Variants in CATSPERG observed in about 807,000 individuals in gnomAD.
CATSPERG encodes cation channel sperm-associated auxiliary subunit gamma.
In CATSPERG, 115 loss-of-function variants were observed where a neutral mutation model predicts 145.0. The ratio of observed to expected loss-of-function variants is 0.79; its 90% CI spans 0.68 to 0.93. The LOEUF is 0.93. CATSPERG is among the 40% of genes least tolerant of loss of function. The pLI is 0.00. For missense variants in CATSPERG, 1,296 were observed against 1,490.1 expected, an observed-to-expected ratio of 0.87 and a Z score of 2.14; for synonymous variants, 588 against 589.0, an observed-to-expected ratio of 1.00 and a Z score of 0.02.
chr19:38,354,757 C>G lies in CATSPERG; in HGVS notation c.1045C>G (p.Pro349Ala), dbSNP rs964307375. ...LASECIKKLC[P>A]VYFHSNGSEY... ...CAGCGAGTGCATCAAGAAGCTGTGC[C>G]CTGTGTATTTCCATAGCAATGGCTC... Residue 349 changes from proline (P) to alanine (A), a missense_variant, in exon 9 of 29, where the codon CCT (proline) becomes GCT (alanine). By Grantham distance (27) the Pro-to-Ala change is conservative. Coordinates refer to ENST00000409235, the MANE Select transcript of CATSPERG (RefSeq NM_021185.5). The G allele has an allele frequency of 2.5e-6, 4 of 1,614,144 alleles. No homozygotes were observed. Among genetic ancestry groups the G allele is most frequent in the Non-Finnish European group, 3.4e-6 (4 of 1,180,016 alleles).
chr19:38,346,798 C>T (rs1358534425), intron 7 of CATSPERG, among the ~76,000 whole-genome samples, 193 bp downstream of exon 7: 1 of 152,200 alleles, frequency 6.6e-6, no homozygotes. Context: ...GGTTCTGCCA[C>T]CTCCTGGCTG....
In CATSPERG at chr19:38,344,158, G is replaced by A. The variant is rs1168035035; in HGVS notation, c.596+39G>A. 2.6e-6 allele frequency: 4 copies of A among 1,550,800 alleles called. No homozygotes were observed. In the Admixed American group the frequency reaches 5.9e-5, roughly 23 times the overall value. ...AGACGGGGGCTGGGGTGGACTCCGGGGGAATTCCTCACCCCAGGGTCCCCA... is the reference window on the plus strand; with the variant it reads ...AGACGGGGGCTGGGGTGGACTCCGGAGGAATTCCTCACCCCAGGGTCCCCA... On this transcript the variant is annotated intron_variant, in intron 5 of 28. Coordinates refer to ENST00000409235, the MANE Select transcript of CATSPERG (RefSeq NM_021185.5).
intron 14 of CATSPERG, chr19:38,360,264 A>G (rs942392213): frequency 1.0e-6 from 1 of 985,220 alleles, no homozygotes; most frequent in Admixed American, 6.2e-5. Flanking sequence ...ACATTGAAAA[A>G]AGTGATCATA....
chr19:38,369,986 A>G lies in CATSPERG; in HGVS notation c.3035A>G (p.Glu1012Gly). 6.2e-7 allele frequency: 1 copy of G among 1,614,220 alleles called. No homozygotes were observed. The highest frequency in any genetic ancestry group is 8.5e-7 in the Non-Finnish European group (1 of 1,180,026). The change falls in exon 27 of 29, where the codon GAG (glutamate) becomes GGG (glycine). Residue 1012 changes from glutamate (E) to glycine (G), a missense_variant. Physicochemically the swap from Glu to Gly is moderately conservative, Grantham distance 98 (BLOSUM62 -2). Transcript: ENST00000409235. The stretch of plus-strand genomic sequence containing the variant: ...TTGGCTTGCAGGTGGCTCTGTCTGG[A>G]GAATGCCCCATGCTATGACAATGTT... ...ESPGIEWLCLENAPCYDNVPQ... is the reference protein window; with the variant it reads ...ESPGIEWLCLGNAPCYDNVPQ...
chr19:38,336,113 C>T (rs1291591008), intron 1 of CATSPERG: 1 of 431,870 alleles, frequency 2.3e-6, no homozygotes, highest in South Asian at 1.6e-5. Context: ...GCAGGAGAGT[C>T]GGGGTATAGA....
Position 38,364,957 on chromosome 19 carries a change from T to G in CATSPERG, c.2542T>G (p.Ser848Ala). ...GISGHHLMET[S>A]MTVNVVGSSG... ...TAGTGGACATCACCTTATGGAGACT[T>G]CCATGACGGTCAATGTGAGGTCCAA... Residue 848 changes from serine to alanine, a missense_variant, in exon 21 of 29, where the codon TCC becomes GCC. By Grantham distance (99) the Ser-to-Ala change is moderately conservative. Transcript: ENST00000409235. The G allele has an allele frequency of 6.2e-7, 1 of 1,614,016 alleles. No homozygotes were observed. Among genetic ancestry groups the G allele is most frequent in the East Asian group, 2.2e-5 (1 of 44,882 alleles).
chr19:38,336,354 C>G, intron 1 of CATSPERG: 2 of 289,122 alleles, frequency 6.9e-6, no homozygotes, highest in Non-Finnish European at 1.5e-5. Flanking sequence ...TACCAGAGGG[C>G]GGGACGGGGC....
rs756886890 is a variant in CATSPERG at position 38,342,600 on chromosome 19, G to GA, written c.325-964dup. Among the ~76,000 whole-genome samples the GA allele has an allele frequency of 4.9e-3, 521 of 105,322 alleles. 2 individuals carry two copies. Among genetic ancestry groups the GA allele is most frequent in the African/African-American group, 0.011 (314 of 28,738 alleles). The allele number at this position is 105,322 out of a possible 152,430, so 69.1% of individuals were successfully genotyped here. Reference sequence around the variant, plus strand: ...GGGCGACAGAGTGAGACTCCTTCTTGAAAAAAAAAAAAAAAAGGAAAAGAA... The same window carrying GA: ...GGGCGACAGAGTGAGACTCCTTCTTGAAAAAAAAAAAAAAAAAGGAAAAGAA... On this transcript the variant is annotated intron_variant, in intron 3 of 28. Coordinates refer to ENST00000409235, the MANE Select transcript of CATSPERG (RefSeq NM_021185.5).
At chr19:38,351,966 A>C (rs190476634) in intron 7 of CATSPERG, among the ~76,000 whole-genome samples, 118 of 152,276 alleles carry the variant, frequency 7.7e-4, no homozygotes, top group African/African-American at 2.8e-3. Context: ...TATAACACTG[A>C]CTGTAGCCAA....
intron 1 of CATSPERG, chr19:38,336,617 C>T: frequency 4.7e-6 from 1 of 212,912 alleles, no homozygotes; most frequent in Non-Finnish European, 9.7e-6. Context: ...GAGGAGAAAG[C>T]GGCGATACCA....
intron 6 of CATSPERG, 84 bp downstream of exon 6, chr19:38,344,452 C>T: frequency 8.2e-7 from 1 of 1,216,668 alleles, no homozygotes; most frequent in Middle Eastern, 2.1e-4. Flanking sequence ...GCAGCAGATC[C>T]CATTTAGGGA....
In CATSPERG at chr19:38,362,526, A is replaced by G; in HGVS notation, c.2308A>G (p.Ile770Val). 1 of 1,613,918 alleles carries G rather than the reference A, an allele frequency of 6.2e-7. No homozygotes were observed. The highest frequency in any genetic ancestry group is 8.5e-7 in the Non-Finnish European group (1 of 1,180,042). ...LDKGTEYSFA[I>V]FLSAQGHSFR... ...CAAGGGCACTGAGTACAGCTTCGCC[A>G]TCTTCCTGTCGGCGCAGGGCCACTC... Residue 770 changes from isoleucine to valine, a missense_variant, in exon 19 of 29, where the codon ATC becomes GTC. Physicochemically the swap from Ile to Val is conservative, Grantham distance 29 (BLOSUM62 3). Coordinates refer to ENST00000409235, the MANE Select transcript of CATSPERG (RefSeq NM_021185.5).
At chr19:38,336,410 G>A (rs1403715915) in intron 1 of CATSPERG, 1 of 343,882 alleles carries the variant, frequency 2.9e-6, no homozygotes, top group Non-Finnish European at 5.9e-6. Context: ...CCCGGGGAAG[G>A]AACGGGTCCA....
chr19:38,339,068 C>T (rs1212733445), intron 3 of CATSPERG, among the ~76,000 whole-genome samples: 1 of 152,044 alleles, frequency 6.6e-6, no homozygotes, highest in African/African-American at 2.4e-5. Context: ...TGCTAAAGCC[C>T]CGAGCTCTGG....
intron 3 of CATSPERG, among the ~76,000 whole-genome samples, chr19:38,341,611 A>G (rs1159894452): frequency 6.6e-6 from 1 of 152,144 alleles, no homozygotes; most frequent in Non-Finnish European, 1.5e-5. Context: ...AAAAAAAATC[A>G]AAAAATTGGG....
chr19:38,364,768 C>T lies in CATSPERG; in HGVS notation c.2476-123C>T. ...TAGCCTATTCCTGAGTAGAAAATGG[C>T]AGCCTTCCGTTTTCCTACCAGCCAC... On this transcript the variant is annotated intron_variant, in intron 20 of 28. Transcript: ENST00000409235. 3.9e-6 allele frequency: 3 copies of T among 765,186 alleles called. No individual in the cohort carries two copies. The Admixed American group carries it at 5.8e-5, about 15-fold the overall frequency. 47.4% of individuals were successfully genotyped at this position (765,186 alleles called of 1,614,324 possible).
intron 11 of CATSPERG, chr19:38,357,939 G>A (rs1344642263): frequency 8.1e-6 from 2 of 247,040 alleles, no homozygotes; most frequent in Non-Finnish European, 1.6e-5. Flanking sequence ...GCAACAGAGC[G>A]AGACTCCATC....
At chr19:38,342,794 G>A (rs1428587248) in intron 3 of CATSPERG, among the ~76,000 whole-genome samples, 1 of 151,948 alleles carries the variant, frequency 6.6e-6, no homozygotes, top group Non-Finnish European at 1.5e-5. Flanking sequence ...CACTGGTGCT[G>A]TTCTGCATGC....
At chr19:38,347,373 G>A (rs901838961) in intron 7 of CATSPERG, among the ~76,000 whole-genome samples, 5 of 151,864 alleles carry the variant, frequency 3.3e-5, no homozygotes, top group Non-Finnish European at 7.4e-5. Flanking sequence ...GCCAGACTCC[G>A]TCTCAAAGAA....
Sources: allele counts gnomAD v4.1 joint callset (sites outside exome capture counted in the v4.1 genomes callset), GRCh38; gene constraint gnomAD v4.1.1; transcripts MANE v1.5; gene names NCBI Gene and HGNC (gene_info 2026-07-23, HGNC 2026-07-21).